The following ADCY7 variants were observed in gnomAD, a reference collection of about 807,000 sequenced individuals.
ADCY7 encodes the protein adenylate cyclase 7, also known as adenylate cyclase type 7.
A neutral mutation model predicts 120.6 loss-of-function variants in ADCY7; 72 were observed. The ratio of observed to expected loss-of-function variants is 0.60; its 90% CI spans 0.49 to 0.73. ADCY7 has a LOEUF of 0.73. Among genes scored for constraint, ADCY7 ranks in the 30% least tolerant of loss-of-function variants. The pLI, the probability that ADCY7 is intolerant of heterozygous loss-of-function variation, is 0.00. For synonymous variants in ADCY7, 661 were observed against 628.0 expected, an observed-to-expected ratio of 1.05 and a Z score of -0.78; for missense variants, 1,227 against 1,486.0, an observed-to-expected ratio of 0.83 and a Z score of 2.87.
chr16:50,287,972 C>G lies in ADCY7; in HGVS notation c.-208C>G. 2.0e-6 allele frequency: 1 copy of G among 502,410 alleles called. No individual in the cohort carries two copies. The highest frequency in any genetic ancestry group is 3.4e-5 in the South Asian group (1 of 29,374). The allele number at this position is 502,410 out of a possible 1,614,324, so 31.1% of individuals were successfully genotyped here. ...GATGCACAGGAGGATGCTGGCGGCA[C>G]AGTGAGTGAGGCCTGGTGCCAGAGC... is the stretch of plus-strand genomic sequence containing the variant. On this transcript the variant is annotated 5_prime_UTR_variant, in exon 2 of 26. Coordinates refer to ENST00000673801, the MANE Select transcript of ADCY7 (RefSeq NM_001114.5).
chr16:50,259,362 CA>C (rs2032999315), intron 1 of ADCY7, among the ~76,000 whole-genome samples: 1 of 152,230 alleles, frequency 6.6e-6, no homozygotes, highest in South Asian at 2.1e-4. Flanking sequence ...GTCCATGGGT[CA>C]CACTGGGCCG....
chr16:50,309,621 C>CAAG lies in ADCY7; in HGVS notation c.2137_2139dup (p.Arg713dup), dbSNP rs2036314471. 1.9e-6 allele frequency: 3 copies of CAAG among 1,612,050 alleles called. No homozygotes were observed. Among genetic ancestry groups the CAAG allele is most frequent in the Non-Finnish European group, 2.5e-6 (3 of 1,180,020 alleles). On this transcript the variant is annotated inframe_insertion, in exon 18 of 26. Coordinates refer to ENST00000673801, the MANE Select transcript of ADCY7 (RefSeq NM_001114.5). The stretch of plus-strand genomic sequence containing the variant: ...GGCCTACTGGCCGCGAGCAGCAAGA[C>CAAG]AAGAGCCCTGTGTGAGCCCCTCCCG...
At chr16:50,261,284 C>T (rs1368800037) in intron 1 of ADCY7, among the ~76,000 whole-genome samples, 1 of 152,118 alleles carries the variant, frequency 6.6e-6, no homozygotes, top group Non-Finnish European at 1.5e-5. Context: ...GGGAAGGCTT[C>T]CTGGTAGAGG....
Position 50,300,741 on chromosome 16 carries a change from A to G in ADCY7, c.1103A>G (p.Asp368Gly). 1.3e-6 allele frequency: 2 copies of G among 1,552,014 alleles called. No homozygotes were observed. Among genetic ancestry groups the G allele is most frequent in the Non-Finnish European group, 8.7e-7 (1 of 1,147,174 alleles). Reference sequence around the variant, plus strand: ...CAGGTGCGGGAGGCCACGGGCGTGGACATCAACATGCGTGTGGGCATACAC... The same window carrying G: ...CAGGTGCGGGAGGCCACGGGCGTGGGCATCAACATGCGTGTGGGCATACAC... ...IKQVREATGVDINMRVGIHSG... is the reference protein window; with the variant it reads ...IKQVREATGVGINMRVGIHSG... The change falls in exon 9 of 26, where the codon GAC (aspartate) becomes GGC (glycine). Residue 368 changes from aspartate (D) to glycine (G), a missense_variant. Transcript: ENST00000673801.
chr16:50,308,211 G>A, intron 15 of ADCY7, 116 bp from the exon 16 acceptor site: 2 of 1,579,460 alleles, frequency 1.3e-6, no homozygotes, highest in East Asian at 4.5e-5. Context: ...CCCCTTTGCT[G>A]TGGGCAGAAT....
intron 21 of ADCY7, 132 bp from the exon 22 acceptor site, chr16:50,312,758 G>GGGGGGGC: frequency 1.3e-6 from 1 of 791,774 alleles, no homozygotes; most frequent in Non-Finnish European, 1.9e-6. Context: ...AACTCATGCA[G>GGGGGGGC]CCCGCCCCCC....
In ADCY7 at chr16:50,272,244, G is replaced by A. The variant is rs535279253; in HGVS notation, c.-269+5564G>A. On this transcript the variant is annotated intron_variant, in intron 1 of 25. Transcript: ENST00000673801. Reference sequence around the variant, plus strand: ...CCTGCAGTGGGTGATGCCACCACCCGCCTTCTAGGGCCCGGATCCCTGGAG... The same window carrying A: ...CCTGCAGTGGGTGATGCCACCACCCACCTTCTAGGGCCCGGATCCCTGGAG... Among the ~76,000 whole-genome samples the A allele has an allele frequency of 5.3e-5, 8 of 152,158 alleles. No individual in the cohort carries two copies. The East Asian group carries it at 1.2e-3, about 22-fold the overall frequency.
intron 10 of ADCY7, among the ~76,000 whole-genome samples, chr16:50,301,422 G>T (rs1211505185): frequency 2.0e-5 from 3 of 152,182 alleles, no homozygotes; most frequent in Admixed American, 2.0e-4. Flanking sequence ...CTATGTGATG[G>T]GAAAACAGCG....
In ADCY7 at chr16:50,292,805, C is replaced by G. The variant is rs766519192; in HGVS notation, c.667C>G (p.Arg223Gly). ...GTGCATCCAGATCCGCCGGAAGCTG[C>G]GCATCGAGAAGCGCCAGCAGGTGGG... ...VKCIQIRRKLRIEKRQQENLL... is the reference protein window; with the variant it reads ...VKCIQIRRKLGIEKRQQENLL... The change falls in exon 5 of 26, where the codon CGC becomes GGC. Residue 223 changes from arginine (R) to glycine (G), a missense_variant. Physicochemically the swap from Arg to Gly is moderately radical, Grantham distance 125. Around this residue, in one of 5 missense-constraint regions of ADCY7, gnomAD observed 382 missense variants for 411.4 expected, o/e 0.93. Coordinates refer to ENST00000673801, the MANE Select transcript of ADCY7 (RefSeq NM_001114.5). 41 of 1,613,504 alleles carry G rather than the reference C, an allele frequency of 2.5e-5. No individual in the cohort carries two copies. The highest frequency in any genetic ancestry group is 6.7e-5 in the Admixed American group (4 of 59,994).
chr16:50,256,218 A>G (rs1322810512), intron 1 of ADCY7, among the ~76,000 whole-genome samples: 5 of 152,200 alleles, frequency 3.3e-5, no homozygotes, highest in African/African-American at 1.2e-4. Context: ...AAGGAACTCA[A>G]TAACAGCAAC....
chr16:50,287,969 GCA>G lies in ADCY7; in HGVS notation c.-208_-207del. Reference sequence around the variant, plus strand: ...CTGGATGCACAGGAGGATGCTGGCGGCACAGTGAGTGAGGCCTGGTGCCAGAG... The same window carrying G: ...CTGGATGCACAGGAGGATGCTGGCGGCAGTGAGTGAGGCCTGGTGCCAGAG... On this transcript the variant is annotated 5_prime_UTR_variant, in exon 2 of 26. It removes the in-frame stop codon of an upstream open reading frame in the 5' UTR. Transcript: ENST00000673801. The G allele has an allele frequency of 2.0e-6, 1 of 496,876 alleles. No individual in the cohort carries two copies. The highest frequency in any genetic ancestry group is 3.4e-5 in the East Asian group (1 of 29,168). 30.8% of individuals were successfully genotyped at this position (496,876 alleles called of 1,614,324 possible).
At chr16:50,304,779 C>A in intron 11 of ADCY7, 146 bp from the exon 12 acceptor site, 1 of 1,167,082 alleles carries the variant, frequency 8.6e-7, no homozygotes, top group South Asian at 1.3e-5. Context: ...CCACGCTCAG[C>A]TATAGTCAGG....
At chr16:50,314,559 G>A in intron 24 of ADCY7, 153 bp downstream of exon 24, 1 of 610,560 alleles carries the variant, frequency 1.6e-6, no homozygotes, top group Non-Finnish European at 2.9e-6. Context: ...TTATTCTGAT[G>A]TTTTGCATAT....
intron 1 of ADCY7, among the ~76,000 whole-genome samples, chr16:50,276,622 G>A (rs1366935609): frequency 6.6e-6 from 1 of 152,220 alleles, no homozygotes; most frequent in Non-Finnish European, 1.5e-5. Context: ...GTGAGATGGA[G>A]TCTTGCTCTG....
At position 50,308,511 on chromosome 16, in the gene ADCY7, C is replaced by G. The variant is rs2036232579; in HGVS notation, c.1935+100C>G. The G allele has an allele frequency of 4.4e-6, 7 of 1,579,860 alleles. No individual in the cohort carries two copies. In the South Asian group the frequency reaches 4.6e-5, roughly 10 times the overall value. On this transcript the variant is annotated intron_variant, in intron 16 of 25. Transcript: ENST00000673801. ...AGCTTGGCTGGGCTGAGCCCCTGCTCTGGTCAAGGTTGGGTGCCCATCTCT... is the reference window on the plus strand; with the variant it reads ...AGCTTGGCTGGGCTGAGCCCCTGCTGTGGTCAAGGTTGGGTGCCCATCTCT...
chr16:50,247,770 G>A (rs868165707), intron 1 of ADCY7, among the ~76,000 whole-genome samples: 2 of 151,988 alleles, frequency 1.3e-5, no homozygotes, highest in African/African-American at 2.4e-5. Flanking sequence ...GCCTGGCTTC[G>A]CAGGACCAGG....
At chr16:50,310,421 C>G in intron 18 of ADCY7, 1 of 1,531,220 alleles carries the variant, frequency 6.5e-7, no homozygotes, top group African/African-American at 1.4e-5. Context: ...ACGCTCCGGC[C>G]TTGACCTTGA....
rs2033409788 is a variant in ADCY7, at chr16:50,269,279, T to G, written c.-269+2599T>G. On this transcript the variant is annotated intron_variant, in intron 1 of 25. Transcript: ENST00000673801. ...GCATCCAGTTGTGCCCACCACAGTG[T>G]GGTCTGCTGCCACATTTGAGCCTGG... Among the ~76,000 whole-genome samples the G allele has an allele frequency of 2.0e-5, 3 of 152,344 alleles. No individual in the cohort carries two copies. In the South Asian group the frequency reaches 6.2e-4, roughly 32 times the overall value.
chr16:50,260,241 G>C (rs573151318), intron 1 of ADCY7, among the ~76,000 whole-genome samples: 1 of 152,336 alleles, frequency 6.6e-6, no homozygotes, highest in South Asian at 2.1e-4. Context: ...CTGGGGAGAG[G>C]TGGTCCTTGC....
Sources: allele counts gnomAD v4.1 joint callset (sites outside exome capture counted in the v4.1 genomes callset), GRCh38; gene constraint gnomAD v4.1.1; regional missense constraint gnomAD v4.1.1; transcripts MANE v1.5; gene names NCBI Gene and HGNC (gene_info 2026-07-23, HGNC 2026-07-21).